Variants in NOX4 observed in about 807,000 individuals in gnomAD.
NOX4 encodes the protein kidney oxidase-1.
Under a neutral mutation model 87.6 loss-of-function variants are expected in NOX4, and 69 were observed. The observed-to-expected ratio is 0.79, with a 90% CI of 0.65 to 0.96. NOX4 has a LOEUF of 0.96. Ranked by LOEUF, NOX4 falls within the 40% of genes least tolerant of loss-of-function variation. The probability of loss-of-function intolerance (pLI) is 0.00; values close to 1 mark genes in which losing one functional copy is unlikely to be tolerated. For synonymous variants in NOX4, 275 were observed against 238.2 expected, an observed-to-expected ratio of 1.15 and a Z score of -1.42; for missense variants, 680 against 681.5, an observed-to-expected ratio of 1.00 and a Z score of 0.02.
At chr11:89,428,847 G>C (rs1333291222) in intron 7 of NOX4, among the ~76,000 whole-genome samples, 1 of 152,122 alleles carries the variant, frequency 6.6e-6, no homozygotes, top group Non-Finnish European at 1.5e-5. Context: ...ATTGAACTCA[G>C]CTCTGCACCA....
chr11:89,567,507 T>C, the NOX4 span, among the ~76,000 whole-genome samples: 12 of 152,216 alleles, frequency 7.9e-5, no homozygotes, highest in African/African-American at 2.9e-4. Context: ...CAGTTTTGAA[T>C]GGCTGGGGAG....
the NOX4 span, among the ~76,000 whole-genome samples, chr11:89,529,469 A>G: frequency 6.6e-6 from 1 of 152,202 alleles, no homozygotes; most frequent in Non-Finnish European, 1.5e-5. Context: ...TATAAGCAAT[A>G]ATACTGGAAG....
At chr11:89,388,257 A>G (rs1219247650) in intron 11 of NOX4, among the ~76,000 whole-genome samples, 2 of 152,146 alleles carry the variant, frequency 1.3e-5, no homozygotes, top group East Asian at 1.9e-4. Context: ...CCTCTGCCCA[A>G]CTTCCAGGAT....
the NOX4 span, among the ~76,000 whole-genome samples, chr11:89,566,043 CTTTT>C: frequency 2.4e-5 from 3 of 122,850 alleles, no homozygotes; most frequent in Admixed American, 8.5e-5. Flanking sequence ...TTCTTTTTTT[CTTTT>C]TTTTTTTTTT....
At chr11:89,588,430 G>A in the NOX4 span, among the ~76,000 whole-genome samples, 2 of 152,108 alleles carry the variant, frequency 1.3e-5, no homozygotes, top group African/African-American at 4.8e-5. Context: ...CTATTCCAAA[G>A]TGATGGAAAC....
intron 7 of NOX4, among the ~76,000 whole-genome samples, chr11:89,424,928 A>G (rs1943294578): frequency 6.6e-6 from 1 of 152,160 alleles, no homozygotes; most frequent in African/African-American, 2.4e-5. Context: ...CATGATTCTA[A>G]CAATAAAACA....
chr11:89,475,493 T>G (rs117420001), intron 2 of NOX4, among the ~76,000 whole-genome samples: 5 of 152,046 alleles, frequency 3.3e-5, no homozygotes, highest in African/African-American at 7.2e-5. Context: ...GGAAAATGCA[T>G]GATAAACTTC....
chr11:89,422,162 TTA>T (rs1452155214), intron 7 of NOX4, among the ~76,000 whole-genome samples, 180 bp from the exon 8 acceptor site: 1 of 152,058 alleles, frequency 6.6e-6, no homozygotes, highest in African/African-American at 2.4e-5. Context: ...ATGACAAAAA[TTA>T]TGAGTAAGAT....
At chr11:89,453,884 G>A (rs924719614) in intron 2 of NOX4, among the ~76,000 whole-genome samples, 2 of 152,096 alleles carry the variant, frequency 1.3e-5, no homozygotes, top group Admixed American at 6.6e-5. Flanking sequence ...CACATATTAG[G>A]TAATAAACAT....
chr11:89,474,063 T>A lies in NOX4; in HGVS notation c.153+16395A>T, dbSNP rs115160290. Among the ~76,000 whole-genome samples, 1,390 of 152,274 alleles carry A rather than the reference T, an allele frequency of 9.1e-3. 24 individuals are homozygous for A. Among genetic ancestry groups the A allele is most frequent in the African/African-American group, 0.032 (1,342 of 41,568 alleles). On this transcript the variant is annotated intron_variant, in intron 2 of 17. Transcript: ENST00000263317. ...GCCAACATGCAGTGGACCACACTAGTGCAGTTGTTGGGAAAATAACGTTTA... is the reference window on the plus strand; with the variant it reads ...GCCAACATGCAGTGGACCACACTAGAGCAGTTGTTGGGAAAATAACGTTTA...
intron 1 of NOX4, chr11:89,497,923 A>G (rs1455761984): frequency 6.6e-6 from 1 of 152,094 alleles, no homozygotes; most frequent in Non-Finnish European, 1.5e-5. Context: ...AATTCTTTCT[A>G]TTTCCCAAAC....
At chr11:89,530,618 G>A in the NOX4 span, among the ~76,000 whole-genome samples, 4 of 150,508 alleles carry the variant, frequency 2.7e-5, no homozygotes, top group African/African-American at 4.9e-5. Context: ...CACCCACCTC[G>A]GCCTCCCAAA....
chr11:89,324,987 TTA>T lies in NOX4; in HGVS notation c.*1767_*1768del, dbSNP rs1945164946. 1.3e-5 allele frequency: 2 copies of T among 152,274 alleles called. No individual in the cohort carries two copies. The highest frequency in any genetic ancestry group is 2.4e-5 in the African/African-American group (1 of 41,562). The allele number at this position is 152,274 out of a possible 1,614,324, so 9.4% of individuals were successfully genotyped here. The stretch of plus-strand genomic sequence containing the variant: ...AAAAAAGGCCTTAGCATCTATCATG[TTA>T]TGTTTTATGTAACATTTTAACAATG... On this transcript the variant is annotated 3_prime_UTR_variant, in exon 18 of 18. Transcript: ENST00000263317.
At chr11:89,518,457 A>G in the NOX4 span, among the ~76,000 whole-genome samples, 50 of 152,202 alleles carry the variant, frequency 3.3e-4, no homozygotes, top group African/African-American at 1.2e-3. Flanking sequence ...ATCTATTCAG[A>G]CTAAAATAAT....
the NOX4 span, among the ~76,000 whole-genome samples, chr11:89,558,574 C>T: frequency 6.6e-6 from 1 of 152,144 alleles, no homozygotes; most frequent in Admixed American, 6.6e-5. Context: ...ATTTCCCAGG[C>T]TTAGTAGTAC....
At chr11:89,533,461 T>TAC in the NOX4 span, among the ~76,000 whole-genome samples, 15 of 152,122 alleles carry the variant, frequency 9.9e-5, no homozygotes, top group African/African-American at 1.2e-4. Flanking sequence ...AGTTTAGGGT[T>TAC]ACATGACATA....
At chr11:89,566,199 C>T in the NOX4 span, among the ~76,000 whole-genome samples, 232 of 152,058 alleles carry the variant, frequency 1.5e-3, no homozygotes, top group African/African-American at 5.2e-3. Flanking sequence ...CCAGCCACAA[C>T]GCCCAGCTAA....
At chr11:89,431,112 C>T (rs897886800) in intron 7 of NOX4, among the ~76,000 whole-genome samples, 1 of 152,086 alleles carries the variant, frequency 6.6e-6, no homozygotes. Context: ...GGAAAGAATT[C>T]CCTATTTAAT....
At chr11:89,439,488 G>A (rs1162428577) in intron 6 of NOX4, among the ~76,000 whole-genome samples, 3 of 152,086 alleles carry the variant, frequency 2.0e-5, no homozygotes, top group African/African-American at 7.2e-5. Flanking sequence ...GATGGGGAAA[G>A]CACTAGAATT....
Sources: allele counts gnomAD v4.1 joint callset (sites outside exome capture counted in the v4.1 genomes callset), GRCh38; gene constraint gnomAD v4.1.1; transcripts MANE v1.5; gene names NCBI Gene and HGNC (gene_info 2026-07-23, HGNC 2026-07-21).